SAE1: variants seen among roughly 807,000 people sequenced by gnomAD.
SAE1 encodes the protein SUMO-activating enzyme subunit 1.
In SAE1, 11 loss-of-function variants were observed where a neutral mutation model predicts 40.6. The observed-to-expected ratio is 0.27, with a 90% CI of 0.17 to 0.45. SAE1 has a LOEUF of 0.45. Among genes scored for constraint, SAE1 ranks in the 20% least tolerant of loss-of-function variants. The pLI, the probability that SAE1 is intolerant of heterozygous loss-of-function variation, is 1.00. For missense variants in SAE1, 373 were observed against 427.3 expected (o/e 0.87, Z 1.12); for synonymous variants, 155 against 154.3 (o/e 1.00, Z -0.03).
At chr19:47,169,566 A>G (rs553235236) in intron 5 of SAE1, among the ~76,000 whole-genome samples, 1 of 152,200 alleles carries the variant, frequency 6.6e-6, no homozygotes, top group Admixed American at 6.5e-5. Context: ...AAAGGGCCAG[A>G]GTGGAAGCAG....
At chr19:47,188,514 A>G (rs2058558281) in intron 6 of SAE1, among the ~76,000 whole-genome samples, 1 of 152,190 alleles carries the variant, frequency 6.6e-6, no homozygotes, top group Non-Finnish European at 1.5e-5. Flanking sequence ...ACTGTGTGAC[A>G]CAGGTTACCA....
chr19:47,160,422 T>C (rs1433002044), intron 5 of SAE1, among the ~76,000 whole-genome samples: 3 of 127,110 alleles, frequency 2.4e-5, no homozygotes, highest in Non-Finnish European at 3.2e-5. Context: ...TGAGATGGAC[T>C]CTCGCTCTGT....
At chr19:47,166,634 A>G (rs953485964) in intron 5 of SAE1, among the ~76,000 whole-genome samples, 1 of 150,622 alleles carries the variant, frequency 6.6e-6, no homozygotes, top group South Asian at 2.1e-4. Flanking sequence ...GCAAACAACA[A>G]AGACTCCGAA....
intron 8 of SAE1, among the ~76,000 whole-genome samples, chr19:47,204,359 A>G (rs1479597019): frequency 6.6e-6 from 1 of 151,096 alleles, no homozygotes; most frequent in Non-Finnish European, 1.5e-5. Context: ...CACCACGCCC[A>G]GCTAATTTTT....
At chr19:47,162,175 T>A (rs1182433940) in intron 5 of SAE1, among the ~76,000 whole-genome samples, 2 of 152,210 alleles carry the variant, frequency 1.3e-5, no homozygotes, top group African/African-American at 2.4e-5. Flanking sequence ...GTTTTGTTTT[T>A]ATTTTTGTTT....
chr19:47,174,563 ATTTTTTTT>A (rs71180803), intron 6 of SAE1, among the ~76,000 whole-genome samples: 3 of 88,526 alleles, frequency 3.4e-5, no homozygotes, highest in African/African-American at 1.0e-4. Context: ...CGCCTGGCAA[ATTTTTTTT>A]TTTTTTTTTT....
intron 1 of SAE1, among the ~76,000 whole-genome samples, chr19:47,137,618 C>T (rs887502208): frequency 6.6e-6 from 1 of 151,962 alleles, no homozygotes; most frequent in Non-Finnish European, 1.5e-5. Flanking sequence ...CCGCCTCAGC[C>T]CCCAAGTAGC....
intron 6 of SAE1, among the ~76,000 whole-genome samples, chr19:47,171,991 C>G (rs1406572098): frequency 6.6e-6 from 1 of 152,192 alleles, no homozygotes; most frequent in African/African-American, 2.4e-5. Flanking sequence ...GCAATCTTGG[C>G]TCACTGCAAC....
chr19:47,177,205 A>G (rs1325846510), intron 6 of SAE1, among the ~76,000 whole-genome samples: 3 of 152,230 alleles, frequency 2.0e-5, no homozygotes, highest in Non-Finnish European at 4.4e-5. Context: ...AGCACCTGCT[A>G]TGTACCAGAT....
At chr19:47,135,965 G>C (rs1341816697) in intron 1 of SAE1, among the ~76,000 whole-genome samples, 1 of 151,732 alleles carries the variant, frequency 6.6e-6, no homozygotes, top group African/African-American at 2.4e-5. Context: ...CACCACGCCC[G>C]GCTAATTTCT....
At position 47,169,391 on chromosome 19, in the gene SAE1, G is replaced by A. The variant is rs749717662; in HGVS notation, c.628-427G>A. Among the ~76,000 whole-genome samples, 52 of 152,170 alleles carry A rather than the reference G, an allele frequency of 3.4e-4. No homozygotes were observed. The South Asian group carries it at 3.9e-3, about 12-fold the overall frequency. ...CTCCCAAGTATCTGGGACTACAGGC[G>A]GCCGCCAGCATGCCTAGCTAATTTT... On this transcript the variant is annotated intron_variant, in intron 5 of 8. Transcript: ENST00000270225.
intron 1 of SAE1, among the ~76,000 whole-genome samples, chr19:47,139,151 C>T (rs2058201194): frequency 6.6e-6 from 1 of 152,002 alleles, no homozygotes; most frequent in Non-Finnish European, 1.5e-5. Context: ...GGAGTTTCAC[C>T]ATATTGGCCA....
chr19:47,160,694 C>T (rs1477175729), intron 5 of SAE1, among the ~76,000 whole-genome samples: 1 of 151,686 alleles, frequency 6.6e-6, no homozygotes, highest in Admixed American at 6.6e-5. Context: ...CGTGCCCAGC[C>T]TAATTTTTGT....
At chr19:47,196,979 G>A (rs919749643) in intron 6 of SAE1, among the ~76,000 whole-genome samples, 1 of 151,952 alleles carries the variant, frequency 6.6e-6, no homozygotes, top group African/African-American at 2.4e-5. Flanking sequence ...TCAGGAGTTT[G>A]AGACAAGCCT....
At chr19:47,187,275 T>C (rs2058550125) in intron 6 of SAE1, among the ~76,000 whole-genome samples, 1 of 152,258 alleles carries the variant, frequency 6.6e-6, no homozygotes, top group South Asian at 2.1e-4. Context: ...TTCACACCTA[T>C]GGACTGTTCT....
intron 8 of SAE1, among the ~76,000 whole-genome samples, chr19:47,205,943 A>G (rs886383772): frequency 2.0e-5 from 3 of 152,224 alleles, no homozygotes; most frequent in African/African-American, 4.8e-5. Flanking sequence ...GTTGCCTTCA[A>G]TGGCACCATC....
At chr19:47,135,824 C>A (rs1310450051) in intron 1 of SAE1, among the ~76,000 whole-genome samples, 1 of 151,872 alleles carries the variant, frequency 6.6e-6, no homozygotes, top group Non-Finnish European at 1.5e-5. Flanking sequence ...AACGGAGTCT[C>A]GCCGTGTCGC....
At chr19:47,166,272 G>A (rs1379456783) in intron 5 of SAE1, among the ~76,000 whole-genome samples, 1 of 152,148 alleles carries the variant, frequency 6.6e-6, no homozygotes, top group African/African-American at 2.4e-5. Context: ...AAGAGAAGTG[G>A]GCACGGATGG....
At chr19:47,172,215 A>C (rs1446927304) in intron 6 of SAE1, among the ~76,000 whole-genome samples, 1 of 152,242 alleles carries the variant, frequency 6.6e-6, no homozygotes. Context: ...CACCACGCTC[A>C]GCTGGATGAA....
Sources: allele counts gnomAD v4.1 joint callset (sites outside exome capture counted in the v4.1 genomes callset), GRCh38; gene constraint gnomAD v4.1.1; transcripts MANE v1.5; gene names NCBI Gene and HGNC (gene_info 2026-07-23, HGNC 2026-07-21).